Variants in MIAT observed in about 807,000 individuals in gnomAD.
MIAT encodes the protein myocardial infarction associated transcript.
chr22:26,654,314 G>C (rs1426384729), intron 2 of MIAT, among the ~76,000 whole-genome samples: 1 of 152,132 alleles, frequency 6.6e-6, no homozygotes, highest in African/African-American at 2.4e-5. Context: ...AGAAGCCCCA[G>C]GGTATAGGAT....
intron 2 of MIAT, chr22:26,647,370 GGGT>G: frequency 2.9e-6 from 1 of 342,576 alleles, no homozygotes; most frequent in Non-Finnish European, 5.1e-6. Flanking sequence ...GGGACGTGGG[GGGT>G]GGAGAGAGAG....
downstream of MIAT, chr22:26,673,517 C>T (rs1379463326): frequency 1.5e-5 from 6 of 398,660 alleles, no homozygotes; most frequent in Non-Finnish European, 2.2e-5. Flanking sequence ...TAACTCCTGC[C>T]TTCCTGGTCT....
At chr22:26,673,974 C>G (rs1255514733), downstream of MIAT, 3 of 398,544 alleles carry the variant, frequency 7.5e-6, no homozygotes, top group Non-Finnish European at 1.3e-5. Flanking sequence ...GTAGTTTGCA[C>G]AAGTAGATGC....
At chr22:26,668,995 C>T (rs1407125440) in exon 6 of MIAT, 6 of 398,438 alleles carry the variant, frequency 1.5e-5, no homozygotes, top group Middle Eastern at 6.2e-4. Flanking sequence ...GGGAACCAGT[C>T]TTACCCAAAG....
At chr22:26,668,195 C>A (rs1930919607) in exon 6 of MIAT, 2 of 398,550 alleles carry the variant, frequency 5.0e-6, no homozygotes, top group Non-Finnish European at 8.8e-6. Context: ...GACTCCTGGC[C>A]TGGACTTCTC....
downstream of MIAT, chr22:26,674,549 C>T (rs937062274): frequency 2.5e-6 from 1 of 398,866 alleles, no homozygotes. Flanking sequence ...GAGCCCTTTT[C>T]TCTGGCAACT....
At chr22:26,675,290 G>A in exon 5 of MIAT, 1 of 398,788 alleles carries the variant, frequency 2.5e-6, no homozygotes, top group Non-Finnish European at 4.4e-6. Flanking sequence ...AAGAGGTTCT[G>A]GAAGGTTCAT....
chr22:26,664,445 A>G (rs1461015804), intron 3 of MIAT, among the ~76,000 whole-genome samples: 1 of 152,196 alleles, frequency 6.6e-6, no homozygotes, highest in African/African-American at 2.4e-5. Flanking sequence ...AACCTTCACC[A>G]TAAATCAGTT....
intron 2 of MIAT, among the ~76,000 whole-genome samples, chr22:26,655,132 G>A (rs1930403968): frequency 5.3e-5 from 8 of 152,134 alleles, no homozygotes; most frequent in Admixed American, 5.2e-4. Flanking sequence ...CTTTCACATG[G>A]GTCTTACCAC....
chr22:26,658,584 C>T lies in MIAT; in HGVS notation n.647-4732C>T, dbSNP rs765193962. Among the ~76,000 whole-genome samples the T allele has an allele frequency of 4.5e-4, 69 of 152,276 alleles. No homozygotes were observed. In the Middle Eastern group the frequency reaches 0.014, roughly 30 times the overall value. ...TGGGAAGAAAGGGGCCAGACCTTTC[C>T]CCTCTTCCAGCGGAGGGCCCTGGGG... On this transcript the variant is annotated intron_variant and non_coding_transcript_variant, in intron 2 of 5. Coordinates refer to ENST00000643270, the Ensembl canonical transcript of MIAT.
At chr22:26,668,607 C>T (rs1307448602) in exon 6 of MIAT, 1 of 398,742 alleles carries the variant, frequency 2.5e-6, no homozygotes, top group Non-Finnish European at 4.4e-6. Flanking sequence ...CTCAAAGGAC[C>T]CTACAGGATG....
rs1253871117 is a variant in MIAT, at chr22:26,660,253, C to T, written n.647-3063C>T. Among the ~76,000 whole-genome samples the T allele has an allele frequency of 3.3e-5, 5 of 151,298 alleles. No homozygotes were observed. The South Asian group carries it at 6.3e-4, about 19-fold the overall frequency. ...TTGGGAAGCTGAGGTGGGTGGATCACCTGAGGTCAGGAGTTCGAGACCAGC... is the reference window on the plus strand; with the variant it reads ...TTGGGAAGCTGAGGTGGGTGGATCATCTGAGGTCAGGAGTTCGAGACCAGC... On this transcript the variant is annotated intron_variant and non_coding_transcript_variant, in intron 2 of 5. Coordinates refer to ENST00000643270, the Ensembl canonical transcript of MIAT.
chr22:26,671,128 G>T (rs935774709), downstream of MIAT: 7 of 398,542 alleles, frequency 1.8e-5, no homozygotes, highest in Non-Finnish European at 2.2e-5. Context: ...AGCCCTCTGG[G>T]AAGGGGCTGA....
intron 2 of MIAT, among the ~76,000 whole-genome samples, chr22:26,661,958 A>ATATC (rs1930690630): frequency 2.1e-5 from 1 of 48,142 alleles, no homozygotes; most frequent in African/African-American, 7.2e-5. Context: ...ATATATATAT[A>ATATC]TATACACACA....
intron 2 of MIAT, among the ~76,000 whole-genome samples, chr22:26,649,150 G>C (rs1254744703): frequency 1.3e-5 from 2 of 152,182 alleles, no homozygotes; most frequent in Non-Finnish European, 2.9e-5. Flanking sequence ...AGACCACTTA[G>C]TTCTTTCAAA....
At chr22:26,667,359 T>TGTGTGTGTGTGTGTGTGTGTGC (rs1330930699) in intron 5 of MIAT, 2 of 395,592 alleles carry the variant, frequency 5.1e-6, no homozygotes, top group African/African-American at 4.1e-5. Context: ...TGTGTGCGTG[T>TGTGTGTGTGTGTGTGTGTGTGC]GCACATGTGT....
chr22:26,657,673 C>T (rs1036184587), intron 2 of MIAT: 13 of 398,652 alleles, frequency 3.3e-5, no homozygotes, highest in Admixed American at 4.4e-5. Flanking sequence ...TCGCCCCATC[C>T]TAGAAGCCTT....
chr22:26,675,025 CTCTGT>C, exon 5 of MIAT: 1 of 398,836 alleles, frequency 2.5e-6, no homozygotes, highest in Non-Finnish European at 4.4e-6. Flanking sequence ...TGTGCACCTA[CTCTGT>C]GCCAGGCGTG....
chr22:26,659,773 A>G (rs556475177), intron 2 of MIAT, among the ~76,000 whole-genome samples: 8 of 117,558 alleles, frequency 6.8e-5, no homozygotes, highest in Admixed American at 5.4e-4. Context: ...ATTGTAAAGG[A>G]TTTAGAAAAG....
Sources: gnomAD v4.1 joint callset for allele counts (sites outside exome capture counted in the v4.1 genomes callset) on GRCh38, gnomAD v4.1.1 for gene constraint, MANE v1.5 for transcripts, NCBI Gene and HGNC (gene_info 2026-07-23, HGNC 2026-07-21) for gene names.